Variants in RADIL observed in about 807,000 individuals in gnomAD.
The protein encoded by RADIL is Rap associating with DIL domain.
Under a neutral mutation model 97.6 loss-of-function variants are expected in RADIL, and 99 were observed. The ratio of observed to expected loss-of-function variants is 1.01; its 90% CI spans 0.86 to 1.20. The LOEUF is 1.20. Among genes scored for constraint, RADIL ranks in the 50% most tolerant of loss-of-function variants. The pLI, the probability that RADIL is intolerant of heterozygous loss-of-function variation, is 0.00. For missense variants in RADIL, 1,765 were observed against 1,498.9 expected, an observed-to-expected ratio of 1.18 and a Z score of -2.93; for synonymous variants, 803 against 691.8, an observed-to-expected ratio of 1.16 and a Z score of -2.52.
Position 4,815,229 on chromosome 7 carries a change from T to C in RADIL, c.2139+49A>G. Reference sequence around the variant, plus strand: ...GTTTGTGAGCCAGGGACCCACAGCATGTGGCCCCGCCCCTCCCCACACTCG... The same window carrying C: ...GTTTGTGAGCCAGGGACCCACAGCACGTGGCCCCGCCCCTCCCCACACTCG... On this transcript the variant is annotated intron_variant, in intron 9 of 14. Coordinates refer to ENST00000399583, the MANE Select transcript of RADIL (RefSeq NM_018059.5). The surrounding 1 kb of genome is among the most constrained non-coding windows in gnomAD (Gnocchi z 8.0). 2 of 1,466,714 alleles carry C rather than the reference T, an allele frequency of 1.4e-6. No individual in the cohort carries two copies. The highest frequency in any genetic ancestry group is 1.8e-6 in the Non-Finnish European group (2 of 1,104,246). The allele number at this position is 1,466,714 out of a possible 1,614,324, so 90.9% of individuals were successfully genotyped here. A position where few individuals can be genotyped will look rare whatever the true frequency, so the allele number is the denominator to read the frequency against.
At position 4,834,684 on chromosome 7, in the gene RADIL, A is replaced by C; in HGVS notation, c.1339T>G (p.Ser447Ala). Residue 447 changes from serine to alanine, a missense_variant, in exon 4 of 15, where the codon TCG becomes GCG. Coordinates refer to ENST00000399583, the MANE Select transcript of RADIL (RefSeq NM_018059.5). This position sits in a 1 kb window ranked among gnomAD's most constrained non-coding sequence, Gnocchi z 6.0. ...AFLLCLCIQH[S>A]ATHFQPGTFG... ...GTGCCCGGCTGGAAGTGGGTGGCCG[A>C]GTGCTGGATGCAGAGGCACAGGAGG... 2.9e-6 allele frequency: 4 copies of C among 1,383,470 alleles called. No homozygotes were observed. The highest frequency in any genetic ancestry group is 3.8e-6 in the Non-Finnish European group (4 of 1,063,052). The allele number at this position is 1,383,470 out of a possible 1,614,324, so 85.7% of individuals were successfully genotyped here. A position where few individuals can be genotyped will look rare whatever the true frequency, so the allele number is the denominator to read the frequency against.
Position 4,822,677 on chromosome 7 carries a change from C to A in RADIL, c.1455-123G>T. The stretch of plus-strand genomic sequence containing the variant: ...CGCTGACAACAACTGCAACCATCAA[C>A]CTGACACTGCTGGGCGGGGACGTTT... On this transcript the variant is annotated intron_variant, in intron 5 of 14. Coordinates refer to ENST00000399583, the MANE Select transcript of RADIL (RefSeq NM_018059.5). The surrounding 1 kb of genome is among the most constrained non-coding windows in gnomAD (Gnocchi z 5.3). 1 of 1,130,258 alleles carries A rather than the reference C, an allele frequency of 8.8e-7. No individual in the cohort carries two copies. Among genetic ancestry groups the A allele is most frequent in the Non-Finnish European group, 1.2e-6 (1 of 802,186 alleles). The allele number at this position is 1,130,258 out of a possible 1,614,324, so 70.0% of individuals were successfully genotyped here. A position where few individuals can be genotyped will look rare whatever the true frequency, so the allele number is the denominator to read the frequency against.
intron 2 of RADIL, among the ~76,000 whole-genome samples, chr7:4,856,783 G>T (rs540086103): frequency 5.8e-4 from 89 of 152,310 alleles, no homozygotes; most frequent in Non-Finnish European, 1.1e-3. Flanking sequence ...TCCAATTGTG[G>T]GGTGGAAGGT....
Position 4,836,303 on chromosome 7 carries a change from C to T in RADIL, c.783+55G>A, listed in dbSNP as rs987960568. ...GGCGGAGGCCTTGACTTCTGAGTCC[C>T]GCCTGCTGTCCCTGCAGTGGCACCG... On this transcript the variant is annotated intron_variant, in intron 3 of 14. Coordinates refer to ENST00000399583, the MANE Select transcript of RADIL (RefSeq NM_018059.5). The T allele has an allele frequency of 9.7e-6, 15 of 1,550,352 alleles. No individual in the cohort carries two copies. In the East Asian group the frequency reaches 9.7e-5, roughly 10 times the overall value.
In RADIL at chr7:4,883,098, G is replaced by A. The variant is rs1259341255; in HGVS notation, c.-65+498C>T. ...CTGGCGCACGAGTGGGGATCGGGCT[G>A]CAACCGGGACGGGGTATGTGCAGGG... On this transcript the variant is annotated intron_variant, in intron 1 of 14. Transcript: ENST00000399583. The surrounding 1 kb of genome is among the most constrained non-coding windows in gnomAD (Gnocchi z 7.1). Among the ~76,000 whole-genome samples the A allele has an allele frequency of 2.0e-5, 3 of 151,198 alleles. No homozygotes were observed. The highest frequency in any genetic ancestry group is 2.9e-5 in the Non-Finnish European group (2 of 68,008).
At chr7:4,859,926 T>C (rs559748769) in intron 2 of RADIL, 3 of 1,612,902 alleles carry the variant, frequency 1.9e-6, no homozygotes, top group Non-Finnish European at 2.5e-6. Flanking sequence ...TGTTGCTGAG[T>C]TTCCTGAAGG....
rs1783949276 is a variant in RADIL, at chr7:4,860,263, C to T, written c.535+17342G>A. The T allele has an allele frequency of 6.2e-6, 10 of 1,613,934 alleles. No individual in the cohort carries two copies. In the East Asian group the frequency reaches 2.2e-4, roughly 36 times the overall value. Reference sequence around the variant, plus strand: ...CAAAGCTGCTGTCGTTCAAATCTGTCAATCTTCTACCTTCTGTTGAGTGTG... The same window carrying T: ...CAAAGCTGCTGTCGTTCAAATCTGTTAATCTTCTACCTTCTGTTGAGTGTG... On this transcript the variant is annotated intron_variant, in intron 2 of 14. Coordinates refer to ENST00000399583, the MANE Select transcript of RADIL (RefSeq NM_018059.5).
Position 4,819,037 on chromosome 7 carries a change from C to T in RADIL, c.1616-1686G>A, listed in dbSNP as rs904203407. ...GATTACAGGCATGCACCCCTGCACCCGGCCCTGAGACTCCATTTCTCTCTC... is the reference window on the plus strand; with the variant it reads ...GATTACAGGCATGCACCCCTGCACCTGGCCCTGAGACTCCATTTCTCTCTC... On this transcript the variant is annotated intron_variant, in intron 6 of 14. Transcript: ENST00000399583. The surrounding 1 kb of genome is among the most constrained non-coding windows in gnomAD (Gnocchi z 5.8). Among the ~76,000 whole-genome samples, 1 of 151,024 alleles carries T rather than the reference C, an allele frequency of 6.6e-6. No homozygotes were observed. Among genetic ancestry groups the T allele is most frequent in the African/African-American group, 2.4e-5 (1 of 40,952 alleles).
intron 2 of RADIL, among the ~76,000 whole-genome samples, chr7:4,847,855 G>A (rs1283170679): frequency 6.6e-6 from 1 of 152,004 alleles, no homozygotes; most frequent in Non-Finnish European, 1.5e-5. Context: ...CTGGGTCTGG[G>A]GGTGGGACCG....
At chr7:4,869,133 C>G (rs1249629180) in intron 2 of RADIL, among the ~76,000 whole-genome samples, 1 of 149,054 alleles carries the variant, frequency 6.7e-6, no homozygotes, top group African/African-American at 2.6e-5. Context: ...TCTCAAAAGA[C>G]AAACAAACAA....
At chr7:4,809,294 T>C (rs1490426317) in intron 9 of RADIL, 1 of 985,374 alleles carries the variant, frequency 1.0e-6, no homozygotes, top group Non-Finnish European at 1.2e-6. Flanking sequence ...ATCACGAGGT[T>C]CCTGCCCTCG....
At chr7:4,859,185 A>C (rs1446748314) in intron 2 of RADIL, 1 of 152,564 alleles carries the variant, frequency 6.6e-6, no homozygotes, top group Non-Finnish European at 1.5e-5. Flanking sequence ...ACCGCTGCAC[A>C]ATGGTATCCA....
rs752517453 is a variant in RADIL at position 4,832,091 on chromosome 7, C to A, written c.1454+50G>T. On this transcript the variant is annotated intron_variant, in intron 5 of 14. Transcript: ENST00000399583. ...CTTGGCTCCCCCGGGAAGTGTGAGC[C>A]CCCAGGACCTGCTGCCCAGAGGCGG... The A allele has an allele frequency of 1.9e-6, 3 of 1,599,724 alleles. No homozygotes were observed. The South Asian group carries it at 3.4e-5, about 18-fold the overall frequency.
In RADIL at chr7:4,822,478, A is replaced by AGCC. The variant is rs1782860735; in HGVS notation, c.1530_1531insGGC (p.Met510_Ser511insGly). ...AAGTACAGGAGCTCGATGGAGTTAG[A>AGCC]CATCCAGAAAAGAATGGGCTGCAAG... is the stretch of plus-strand genomic sequence containing the variant. On this transcript the variant is annotated inframe_insertion, in exon 6 of 15. Coordinates refer to ENST00000399583, the MANE Select transcript of RADIL (RefSeq NM_018059.5). The surrounding 1 kb of genome is among the most constrained non-coding windows in gnomAD (Gnocchi z 5.3). 1 of 1,612,930 alleles carries AGCC rather than the reference A, an allele frequency of 6.2e-7. No individual in the cohort carries two copies. The highest frequency in any genetic ancestry group is 1.1e-5 in the South Asian group (1 of 91,088).
At chr7:4,827,381 CGG>C (rs1783016511) in intron 5 of RADIL, among the ~76,000 whole-genome samples, 1 of 150,066 alleles carries the variant, frequency 6.7e-6, no homozygotes. Flanking sequence ...AAAAAAGGGC[CGG>C]GTGCGGTGGC....
chr7:4,819,762 C>G lies in RADIL; in HGVS notation c.1616-2411G>C, dbSNP rs555694690. Reference sequence around the variant, plus strand: ...TGACGGGGCTCTGCCCCTCCGGCCCCTTCTAGGGGCTATTTCCCACTCTGT... The same window carrying G: ...TGACGGGGCTCTGCCCCTCCGGCCCGTTCTAGGGGCTATTTCCCACTCTGT... On this transcript the variant is annotated intron_variant, in intron 6 of 14. Transcript: ENST00000399583. The surrounding 1 kb of genome is among the most constrained non-coding windows in gnomAD (Gnocchi z 5.8). 2.6e-5 allele frequency among the ~76,000 whole-genome samples: 4 copies of G among 152,342 alleles called. No homozygotes were observed. The South Asian group carries it at 8.3e-4, about 32-fold the overall frequency.
intron 2 of RADIL, among the ~76,000 whole-genome samples, chr7:4,868,491 C>G (rs1784180047): frequency 6.6e-6 from 1 of 152,240 alleles, no homozygotes; most frequent in Non-Finnish European, 1.5e-5. Flanking sequence ...CCAGCTTCCT[C>G]TGCAGCCAGA....
chr7:4,862,419 C>G lies in RADIL; in HGVS notation c.535+15186G>C, dbSNP rs746396468. Reference sequence around the variant, plus strand: ...CATTGGTTTAGCTGGGGCAGCATTTCGAGGTCGACATTTGTGTTCTGGCCA... The same window carrying G: ...CATTGGTTTAGCTGGGGCAGCATTTGGAGGTCGACATTTGTGTTCTGGCCA... On this transcript the variant is annotated intron_variant, in intron 2 of 14. Transcript: ENST00000399583. Among the ~76,000 whole-genome samples, 3 of 152,258 alleles carry G rather than the reference C, an allele frequency of 2.0e-5. 1 individual carries two copies.
rs1781979693 is a variant in RADIL, at chr7:4,798,527, C to T, written c.*851G>A. 1 of 152,610 alleles carries T rather than the reference C, an allele frequency of 6.6e-6. No individual in the cohort carries two copies. Among genetic ancestry groups the T allele is most frequent in the South Asian group, 1.9e-4 (1 of 5,138 alleles). 9.5% of individuals were successfully genotyped at this position (152,610 alleles called of 1,614,324 possible). On this transcript the variant is annotated 3_prime_UTR_variant, in exon 15 of 15. Transcript: ENST00000399583. ...TGGAGCTGCTGAGGATGCCCAGCGA[C>T]CCACGCTGTCACCCCGAGGCAGCAA...
Sources: gnomAD v4.1 joint callset for allele counts (sites outside exome capture counted in the v4.1 genomes callset) on GRCh38, gnomAD v4.1.1 for gene constraint, Gnocchi (gnomAD v3.1) non-coding constraint, MANE v1.5 for transcripts, NCBI Gene and HGNC (gene_info 2026-07-23, HGNC 2026-07-21) for gene names.